Variants in FSTL5 observed in about 807,000 individuals in gnomAD.
FSTL5 encodes the protein follistatin-related protein 5.
Under a neutral mutation model 89.1 loss-of-function variants are expected in FSTL5, and 62 were observed. The ratio of observed to expected loss-of-function variants is 0.70; its 90% CI spans 0.57 to 0.86. The LOEUF (loss-of-function observed/expected upper bound fraction) is 0.86, where lower values mean the gene tolerates loss of function less well. Ranked by LOEUF, FSTL5 falls within the 40% of genes least tolerant of loss-of-function variation. The pLI is 0.00. For missense variants in FSTL5, 1,057 were observed against 1,001.6 expected, an observed-to-expected ratio of 1.06 and a Z score of -0.75; for synonymous variants, 383 against 346.2, an observed-to-expected ratio of 1.11 and a Z score of -1.18.
intron 13 of FSTL5, among the ~76,000 whole-genome samples, chr4:161,463,782 A>C (rs1396628600): frequency 6.6e-6 from 1 of 152,176 alleles, no homozygotes; most frequent in Non-Finnish European, 1.5e-5. Context: ...CATGTTATGC[A>C]AAGGATTACA....
intron 10 of FSTL5, among the ~76,000 whole-genome samples, chr4:161,518,604 T>C (rs1050810813): frequency 6.6e-6 from 1 of 152,156 alleles, no homozygotes; most frequent in Non-Finnish European, 1.5e-5. Context: ...AATCAAACAA[T>C]ATAAGTCTAC....
chr4:161,457,075 A>T (rs952613442), intron 14 of FSTL5, among the ~76,000 whole-genome samples: 1 of 152,146 alleles, frequency 6.6e-6, no homozygotes, highest in African/African-American at 2.4e-5. Context: ...CCCAAAGTTG[A>T]TTATGGCTGA....
intron 12 of FSTL5, among the ~76,000 whole-genome samples, chr4:161,484,598 G>C (rs751930224): frequency 6.6e-6 from 1 of 151,880 alleles, no homozygotes; most frequent in Non-Finnish European, 1.5e-5. Flanking sequence ...CCAACCTTTC[G>C]CTCTAAACTA....
At chr4:161,943,735 T>C (rs1045665107) in intron 3 of FSTL5, among the ~76,000 whole-genome samples, 5 of 151,660 alleles carry the variant, frequency 3.3e-5, no homozygotes, top group African/African-American at 9.7e-5. Context: ...TTTTGTATTT[T>C]TAGTAGAGAT....
chr4:162,081,869 C>T (rs1270104214), intron 2 of FSTL5, among the ~76,000 whole-genome samples: 1 of 151,240 alleles, frequency 6.6e-6, no homozygotes, highest in Non-Finnish European at 1.5e-5. Context: ...ATATTTACTT[C>T]AATGATTTCT....
rs1388986476 is a variant in FSTL5, at chr4:161,775,914, G to A, written c.570C>T (p.Asp190=). Residue 190 remains aspartate, a synonymous_variant, in exon 5 of 16, where the codon GAC becomes GAT. Coordinates refer to ENST00000306100, the MANE Select transcript of FSTL5 (RefSeq NM_020116.5). ...VDQMFKYFDA[D]SNGLVDINEL... is the part of the protein sequence containing the mutation. ...CATTAATATCTACAAGTCCATTACT[G>A]TCTGCATCAAAATATTTAAACATTT... 1.3e-6 allele frequency: 2 copies of A among 1,595,480 alleles called. No homozygotes were observed. Among genetic ancestry groups the A allele is most frequent in the East Asian group, 4.5e-5 (2 of 44,014 alleles).
chr4:161,841,369 C>A (rs1021762220), intron 4 of FSTL5, among the ~76,000 whole-genome samples: 1 of 152,032 alleles, frequency 6.6e-6, no homozygotes, highest in African/African-American at 2.4e-5. Context: ...ATTTGTAGAT[C>A]CACAGGAAAT....
At chr4:161,512,486 T>G (rs78586918) in intron 10 of FSTL5, among the ~76,000 whole-genome samples, 1,698 of 152,212 alleles carry the variant, frequency 0.011, 27 homozygotes, top group African/African-American at 0.038. Context: ...CAGGGGGAAC[T>G]TCTCTAATTA....
chr4:161,609,764 G>A (rs1734575759), intron 7 of FSTL5, among the ~76,000 whole-genome samples: 1 of 152,068 alleles, frequency 6.6e-6, no homozygotes, highest in South Asian at 2.1e-4. Context: ...TGTCCCAAAA[G>A]TCCCTTTAGG....
chr4:161,718,103 T>C (rs911432316), intron 6 of FSTL5, among the ~76,000 whole-genome samples: 11 of 152,040 alleles, frequency 7.2e-5, no homozygotes, highest in African/African-American at 2.7e-4. Flanking sequence ...TTTGTAAAAA[T>C]ATAAATTTTG....
At chr4:161,737,059 A>G (rs1739844162) in intron 6 of FSTL5, among the ~76,000 whole-genome samples, 1 of 152,116 alleles carries the variant, frequency 6.6e-6, no homozygotes, top group African/African-American at 2.4e-5. Context: ...CAGTTAGAAA[A>G]CAGGAAGAGC....
intron 7 of FSTL5, among the ~76,000 whole-genome samples, chr4:161,617,184 T>C (rs1734904091): frequency 6.6e-6 from 1 of 151,890 alleles, no homozygotes; most frequent in Non-Finnish European, 1.5e-5. Context: ...TTCATATGTA[T>C]AAACATATAT....
intron 7 of FSTL5, among the ~76,000 whole-genome samples, chr4:161,590,042 AAGAGTGAATCCC>A (rs1733755701): frequency 6.6e-6 from 1 of 152,144 alleles, no homozygotes; most frequent in Non-Finnish European, 1.5e-5. Flanking sequence ...GCTCACCACT[AAGAGTGAATCCC>A]AACAGCCACA....
chr4:161,467,974 A>T (rs997830476), intron 13 of FSTL5, among the ~76,000 whole-genome samples: 3 of 152,200 alleles, frequency 2.0e-5, no homozygotes, highest in Non-Finnish European at 4.4e-5. Context: ...AATACTACAC[A>T]GATGTACCAG....
intron 7 of FSTL5, among the ~76,000 whole-genome samples, chr4:161,651,685 T>C (rs376337205): frequency 1.6e-4 from 25 of 152,280 alleles, no homozygotes; most frequent in African/African-American, 6.0e-4. Context: ...GTTAGTGTTA[T>C]CTTCATTTTA....
intron 4 of FSTL5, among the ~76,000 whole-genome samples, chr4:161,910,983 C>A (rs1232406262): frequency 2.0e-5 from 3 of 151,976 alleles, no homozygotes; most frequent in African/African-American, 7.3e-5. Flanking sequence ...TTATCCTCAT[C>A]CTTTAAATGT....
chr4:161,459,168 C>G, intron 14 of FSTL5, 44 bp downstream of exon 14: 1 of 1,138,700 alleles, frequency 8.8e-7, no homozygotes, highest in South Asian at 1.3e-5. Flanking sequence ...ATGTTGAAAG[C>G]TTTAAAGATT....
At chr4:161,431,449 A>G (rs1485697522) in intron 15 of FSTL5, among the ~76,000 whole-genome samples, 5 of 138,500 alleles carry the variant, frequency 3.6e-5, no homozygotes, top group Non-Finnish European at 7.7e-5. Flanking sequence ...AACCTCAAAT[A>G]AAAAAAAAAA....
At chr4:161,911,431 G>C (rs777421419) in intron 4 of FSTL5, among the ~76,000 whole-genome samples, 24 of 152,126 alleles carry the variant, frequency 1.6e-4, no homozygotes, top group Middle Eastern at 6.8e-3. Flanking sequence ...GCAATTATTT[G>C]TGTGCTCTTT....
Sources: allele counts gnomAD v4.1 joint callset (sites outside exome capture counted in the v4.1 genomes callset), GRCh38; gene constraint gnomAD v4.1.1; transcripts MANE v1.5; gene names NCBI Gene and HGNC (gene_info 2026-07-23, HGNC 2026-07-21).